The following BRWD1 variants were observed in gnomAD, a reference collection of about 807,000 sequenced individuals.
The protein encoded by BRWD1 is bromodomain and WD repeat domain containing 1.
In BRWD1, 82 loss-of-function variants were observed where a neutral mutation model predicts 251.2. The ratio of observed to expected loss-of-function variants is 0.33; its 90% CI spans 0.27 to 0.39. BRWD1 has a LOEUF of 0.39. Among genes scored for constraint, BRWD1 ranks in the 10% least tolerant of loss-of-function variants. The pLI, the probability that BRWD1 is intolerant of heterozygous loss-of-function variation, is 1.00. For missense variants in BRWD1, 2,233 were observed against 2,711.6 expected, an observed-to-expected ratio of 0.82 and a Z score of 3.92; for synonymous variants, 918 against 902.8, an observed-to-expected ratio of 1.02 and a Z score of -0.30.
chr21:39,241,811 T>C (rs2034013541), intron 21 of BRWD1, among the ~76,000 whole-genome samples: 1 of 152,236 alleles, frequency 6.6e-6, no homozygotes, highest in Admixed American at 6.5e-5. Context: ...CTTGTCTCTA[T>C]GTCACATTTT....
chr21:39,187,591 A>C lies in BRWD1; in HGVS notation c.*8668T>G, dbSNP rs929216413. On this transcript the variant is annotated 3_prime_UTR_variant, in exon 41 of 41. Transcript: ENST00000342449. ...GGCTTCTTCACATTGATATAACCTT[A>C]CATTTGCTTATCTACAACTATAAGG... is the stretch of plus-strand genomic sequence containing the variant. 66 of 985,086 alleles carry C rather than the reference A, an allele frequency of 6.7e-5. No individual in the cohort carries two copies. The highest frequency in any genetic ancestry group is 7.6e-5 in the Non-Finnish European group (63 of 829,726). The allele number at this position is 985,086 out of a possible 1,614,324, so 61.0% of individuals were successfully genotyped here.
At chr21:39,214,976 C>T (rs2032824294) in intron 32 of BRWD1, among the ~76,000 whole-genome samples, 2 of 151,406 alleles carry the variant, frequency 1.3e-5, no homozygotes, top group Admixed American at 1.3e-4. Context: ...ACTGTAACCA[C>T]CACCTCCTGG....
At position 39,191,140 on chromosome 21, in the gene BRWD1, A is replaced by G; in HGVS notation, c.*5119T>C. 1.0e-6 allele frequency: 1 copy of G among 985,386 alleles called. No individual in the cohort carries two copies. The highest frequency in any genetic ancestry group is 1.2e-6 in the Non-Finnish European group (1 of 829,920). 61.0% of individuals were successfully genotyped at this position (985,386 alleles called of 1,614,324 possible). ...TAAATGCAGGCAGAATCAGAAGTAA[A>G]TACTTGTTTTCAATCTACCCTATTA... On this transcript the variant is annotated 3_prime_UTR_variant, in exon 41 of 41. Coordinates refer to ENST00000342449, the MANE Select transcript of BRWD1 (RefSeq NM_033656.4).
At chr21:39,210,485 C>T (rs111350908) in intron 35 of BRWD1, among the ~76,000 whole-genome samples, 6 of 152,164 alleles carry the variant, frequency 3.9e-5, no homozygotes, top group Non-Finnish European at 5.9e-5. Context: ...CAAACAGACA[C>T]GTTTATCCAA....
At chr21:39,219,726 G>T (rs1162544558) in intron 29 of BRWD1, 4 of 152,186 alleles carry the variant, frequency 2.6e-5, no homozygotes, top group Non-Finnish European at 5.9e-5. Context: ...CTTCAGTAGA[G>T]TTGACCTATT....
chr21:39,293,958 A>T lies in BRWD1; in HGVS notation c.684T>A (p.Ser228=). The T allele has an allele frequency of 6.2e-7, 1 of 1,614,230 alleles. No homozygotes were observed. The highest frequency in any genetic ancestry group is 8.5e-7 in the Non-Finnish European group (1 of 1,180,046). The change falls in exon 8 of 41, where the codon TCT becomes TCA. Residue 228 remains serine, a synonymous_variant. Transcript: ENST00000342449. Reference sequence around the variant, plus strand: ...TTACTGCCATATCTGAAATTTCTGCAGAATGACCTCTTAATGTAGATAACA... The same window carrying T: ...TTACTGCCATATCTGAAATTTCTGCTGAATGACCTCTTAATGTAGATAACA... ...GRLLSTLRGH[S]AEISDMAVNY...
intron 20 of BRWD1, among the ~76,000 whole-genome samples, chr21:39,250,565 T>C (rs1457690991): frequency 6.6e-6 from 1 of 151,944 alleles, no homozygotes; most frequent in African/African-American, 2.4e-5. Flanking sequence ...TAACTAAAAT[T>C]AAGAACTCAA....
chr21:39,202,412 C>A lies in BRWD1; in HGVS notation c.4498G>T (p.Val1500Phe). The part of the protein sequence containing the change: ...HKTSAGISSG[V>F]TSGDSSDSAE... Reference sequence around the variant, plus strand: ...GAATCTGAAGAGTCACCAGAAGTAACACCTGAAGAGATACCAGCACTTGTC... The same window carrying A: ...GAATCTGAAGAGTCACCAGAAGTAAAACCTGAAGAGATACCAGCACTTGTC... Residue 1500 changes from valine (V) to phenylalanine (F), a missense_variant, in exon 38 of 41, where the codon GTT becomes TTT. Val to Phe is a conservative substitution (Grantham distance 50, BLOSUM62 -1). Transcript: ENST00000342449. 6.2e-7 allele frequency: 1 copy of A among 1,614,084 alleles called. No individual in the cohort carries two copies. The highest frequency in any genetic ancestry group is 8.5e-7 in the Non-Finnish European group (1 of 1,179,982).
rs878996526 is a variant in BRWD1, at chr21:39,191,845, T to C, written c.*4414A>G. ...AATCTCATTTAAGGGCTTTAATAAA[T>C]GAAAAAACTTACCTTAAAACTGACA... On this transcript the variant is annotated 3_prime_UTR_variant, in exon 41 of 41. Coordinates refer to ENST00000342449, the MANE Select transcript of BRWD1 (RefSeq NM_033656.4). 5.1e-5 allele frequency: 50 copies of C among 984,954 alleles called. No individual in the cohort carries two copies. The South Asian group carries it at 7.5e-4, about 15-fold the overall frequency. 61.0% of individuals were successfully genotyped at this position (984,954 alleles called of 1,614,324 possible). A position where few individuals can be genotyped will look rare whatever the true frequency, so the allele number is the denominator to read the frequency against.
intron 13 of BRWD1, among the ~76,000 whole-genome samples, chr21:39,272,168 C>T (rs1221614363): frequency 1.3e-5 from 2 of 151,632 alleles, no homozygotes; most frequent in East Asian, 1.9e-4. Context: ...GGCGCGGTGG[C>T]TCACGCCTGT....
rs915186810 is a variant in BRWD1 at position 39,216,112 on chromosome 21, C to G, written c.3660-750G>C. Among the ~76,000 whole-genome samples, 3 of 152,092 alleles carry G rather than the reference C, an allele frequency of 2.0e-5. No homozygotes were observed. The East Asian group carries it at 5.8e-4, about 29-fold the overall frequency. ...GTTAAATTACAGAGATAAATTACGT[C>G]GATAATGTGGACTCAAGATGACTTT... On this transcript the variant is annotated intron_variant, in intron 31 of 40. Transcript: ENST00000342449.
At position 39,292,354 on chromosome 21, in the gene BRWD1, TAGTAAG is replaced by T. The variant is rs1211871151; in HGVS notation, c.831+1451_831+1456del. On this transcript the variant is annotated intron_variant, in intron 8 of 40. Coordinates refer to ENST00000342449, the MANE Select transcript of BRWD1 (RefSeq NM_033656.4). The stretch of plus-strand genomic sequence containing the variant: ...ACACTGACAGCCAAGAACCGTGCAC[TAGTAAG>T]AGTAACATTTTCTGTCCCTAATAAC... 4.6e-5 allele frequency among the ~76,000 whole-genome samples: 7 copies of T among 152,024 alleles called. No homozygotes were observed. In the South Asian group the frequency reaches 1.5e-3, roughly 32 times the overall value.
intron 23 of BRWD1, 139 bp from the exon 24 acceptor site, chr21:39,232,637 A>C: frequency 1.1e-6 from 1 of 913,050 alleles, no homozygotes; most frequent in Non-Finnish European, 1.6e-6. Context: ...TTCACACAGC[A>C]TATATATTTA....
chr21:39,263,425 A>C (rs943442143), intron 17 of BRWD1, among the ~76,000 whole-genome samples: 7 of 152,206 alleles, frequency 4.6e-5, no homozygotes, highest in Non-Finnish European at 8.8e-5. Context: ...AAAGGAAAAA[A>C]GTGACTGAAA....
chr21:39,310,556 G>C (rs1328361904), intron 4 of BRWD1, among the ~76,000 whole-genome samples: 1 of 152,154 alleles, frequency 6.6e-6, no homozygotes, highest in African/African-American at 2.4e-5. Flanking sequence ...GAACCCAGGA[G>C]GCAGAGGTTG....
chr21:39,227,844 C>G (rs2033442434), intron 27 of BRWD1, among the ~76,000 whole-genome samples: 1 of 151,896 alleles, frequency 6.6e-6, no homozygotes, highest in Non-Finnish European at 1.5e-5. Context: ...TAAATTATGC[C>G]AATGTTACAT....
intron 21 of BRWD1, among the ~76,000 whole-genome samples, chr21:39,241,473 T>TA (rs61488970): frequency 2.0e-4 from 9 of 44,920 alleles, no homozygotes; most frequent in Admixed American, 4.9e-4. Flanking sequence ...ATCTCCAAAG[T>TA]AAAAAAAAAA....
intron 19 of BRWD1, among the ~76,000 whole-genome samples, chr21:39,252,348 T>C (rs2034423673): frequency 6.6e-6 from 1 of 152,162 alleles, no homozygotes; most frequent in South Asian, 2.1e-4. Context: ...GAATTACTTA[T>C]ACTGGCAAGC....
intron 4 of BRWD1, among the ~76,000 whole-genome samples, chr21:39,301,436 C>T (rs930077093): frequency 6.6e-6 from 1 of 151,942 alleles, no homozygotes; most frequent in African/African-American, 2.4e-5. Flanking sequence ...ACCAAAAGGG[C>T]GAGGAACTGA....
Sources: allele counts gnomAD v4.1 joint callset (sites outside exome capture counted in the v4.1 genomes callset), GRCh38; gene constraint gnomAD v4.1.1; transcripts MANE v1.5; gene names NCBI Gene and HGNC (gene_info 2026-07-23, HGNC 2026-07-21).